Variants in ZMIZ1 observed in about 807,000 individuals in gnomAD.
ZMIZ1 encodes zinc finger MIZ-type containing 1, also known as zinc finger MIZ domain-containing protein 1.
Under a neutral mutation model 113.9 loss-of-function variants are expected in ZMIZ1, and 17 were observed. The observed-to-expected ratio is 0.15, with a 90% CI of 0.10 to 0.22. The LOEUF is 0.22. ZMIZ1 is among the 10% of genes least tolerant of loss of function. The pLI is 1.00. For missense variants in ZMIZ1, 1,059 were observed against 1,477.8 expected, an observed-to-expected ratio of 0.72 and a Z score of 4.65; for synonymous variants, 607 against 603.1, an observed-to-expected ratio of 1.01 and a Z score of -0.09.
rs542923636 is a variant in ZMIZ1, at chr10:79,145,244, C to T, written c.-131+5467C>T. Among the ~76,000 whole-genome samples the T allele has an allele frequency of 3.3e-5, 5 of 152,302 alleles. No individual in the cohort carries two copies. The East Asian group carries it at 9.6e-4, about 29-fold the overall frequency. On this transcript the variant is annotated intron_variant, in intron 3 of 24. Coordinates refer to ENST00000334512, the MANE Select transcript of ZMIZ1 (RefSeq NM_020338.4). ...TCTCCACTGACAAGACTCTCTCCTG[C>T]CTCCTCTGCTCACATTTCCATCCCA...
chr10:79,090,515 C>T (rs117597823), intron 1 of ZMIZ1, among the ~76,000 whole-genome samples: 2,019 of 152,250 alleles, frequency 0.013, 20 homozygotes, highest in Non-Finnish European at 0.02. Flanking sequence ...GTCACAGTCA[C>T]CCTACTGGCA....
chr10:79,296,678 C>G lies in ZMIZ1; in HGVS notation c.1413+25C>G. On this transcript the variant is annotated intron_variant, in intron 13 of 24. Transcript: ENST00000334512. This position sits in a 1 kb window ranked among gnomAD's most constrained non-coding sequence, Gnocchi z 4.1. ...GGTGAGTCCCAGCCTCGCCACCACC[C>G]ACGGGGCCCCTTCCCTCCTAACCAC... 6.6e-7 allele frequency: 1 copy of G among 1,523,704 alleles called. No individual in the cohort carries two copies. The highest frequency in any genetic ancestry group is 2.3e-5 in the East Asian group (1 of 42,848). 94.4% of individuals were successfully genotyped at this position (1,523,704 alleles called of 1,614,324 possible).
At chr10:79,157,863 C>T (rs1308385744) in intron 3 of ZMIZ1, among the ~76,000 whole-genome samples, 3 of 152,126 alleles carry the variant, frequency 2.0e-5, no homozygotes, top group Admixed American at 6.5e-5. Context: ...ATGTGTGTGG[C>T]GGTGGGGTTC....
intron 4 of ZMIZ1, among the ~76,000 whole-genome samples, chr10:79,179,778 G>A (rs1369214671): frequency 2.0e-5 from 3 of 152,252 alleles, no homozygotes; most frequent in Non-Finnish European, 2.9e-5. Flanking sequence ...GAATGAGCAG[G>A]GTTGCCATGG....
chr10:79,134,722 GA>G (rs1844921563), intron 2 of ZMIZ1, among the ~76,000 whole-genome samples: 1 of 151,446 alleles, frequency 6.6e-6, no homozygotes, highest in Non-Finnish European at 1.5e-5. Flanking sequence ...TGTAACTAAG[GA>G]AAAAAATATA....
chr10:79,123,878 C>G (rs1844405734), intron 2 of ZMIZ1, among the ~76,000 whole-genome samples: 1 of 152,244 alleles, frequency 6.6e-6, no homozygotes, highest in Admixed American at 6.5e-5. Flanking sequence ...CCCGTGGCCA[C>G]ACGGAGCTGG....
At chr10:79,145,009 ACCTT>A (rs1453880292) in intron 3 of ZMIZ1, among the ~76,000 whole-genome samples, 1 of 128,662 alleles carries the variant, frequency 7.8e-6, no homozygotes, top group East Asian at 2.3e-4. Flanking sequence ...CCTGCCCTCC[ACCTT>A]CCTTCTTTCT....
intron 1 of ZMIZ1, among the ~76,000 whole-genome samples, chr10:79,083,007 G>T (rs555795249): frequency 6.6e-6 from 1 of 152,256 alleles, no homozygotes; most frequent in East Asian, 1.9e-4. Context: ...AGTTTATCAA[G>T]CACCTTCCAT....
chr10:79,259,122 T>C (rs1851098918), intron 7 of ZMIZ1, among the ~76,000 whole-genome samples: 1 of 152,200 alleles, frequency 6.6e-6, no homozygotes, highest in South Asian at 2.1e-4. Context: ...TGATGGATGA[T>C]GTGAGCTTTG....
At chr10:79,138,639 G>A (rs1241615191) in intron 2 of ZMIZ1, among the ~76,000 whole-genome samples, 2 of 152,164 alleles carry the variant, frequency 1.3e-5, no homozygotes, top group Non-Finnish European at 2.9e-5. Flanking sequence ...CAGTTCTTGG[G>A]CCCCATCAGC....
rs1855144263 is a variant in ZMIZ1, at chr10:79,311,303, G to A, written c.3096+119G>A. ...GAAGGGAGGAGGTGGGTGGGCGGTGGGAGGGCTTCACCCAGACCTGGCTCC... is the reference window on the plus strand; with the variant it reads ...GAAGGGAGGAGGTGGGTGGGCGGTGAGAGGGCTTCACCCAGACCTGGCTCC... On this transcript the variant is annotated intron_variant, in intron 24 of 24. Transcript: ENST00000334512. The A allele has an allele frequency of 4.6e-6, 4 of 864,820 alleles. No homozygotes were observed. In the South Asian group the frequency reaches 5.1e-5, roughly 11 times the overall value. 53.6% of individuals were successfully genotyped at this position (864,820 alleles called of 1,614,324 possible).
Position 79,237,377 on chromosome 10 carries a change from A to G in ZMIZ1, c.280+21103A>G, listed in dbSNP as rs576209014. ...TAGGTTTTAACGGATCCTCCATTTT[A>G]GTTTGCTAAGGCTGCCATAACAAAG... On this transcript the variant is annotated intron_variant, in intron 7 of 24. Coordinates refer to ENST00000334512, the MANE Select transcript of ZMIZ1 (RefSeq NM_020338.4). 2.0e-5 allele frequency among the ~76,000 whole-genome samples: 3 copies of G among 152,320 alleles called. No individual in the cohort carries two copies. The South Asian group carries it at 6.2e-4, about 32-fold the overall frequency.
At chr10:79,285,001 C>G (rs1014976066) in intron 8 of ZMIZ1, among the ~76,000 whole-genome samples, 1 of 152,174 alleles carries the variant, frequency 6.6e-6, no homozygotes, top group Admixed American at 6.5e-5. Flanking sequence ...TCCCCAAGAA[C>G]CCCCAGGAAG....
At chr10:79,116,640 T>C (rs1425531240) in intron 1 of ZMIZ1, among the ~76,000 whole-genome samples, 1 of 152,126 alleles carries the variant, frequency 6.6e-6, no homozygotes, top group Non-Finnish European at 1.5e-5. Context: ...CCTGATTCAG[T>C]TGGGTGGAAA....
chr10:79,093,429 C>T (rs143700096), intron 1 of ZMIZ1, among the ~76,000 whole-genome samples: 7,292 of 151,852 alleles, frequency 0.048, 263 homozygotes, highest in Non-Finnish European at 0.061. Context: ...TGGGTTCAAG[C>T]GATTCTCCGG....
intron 4 of ZMIZ1, among the ~76,000 whole-genome samples, chr10:79,199,415 AGAAT>A: frequency 6.6e-6 from 1 of 152,030 alleles, no homozygotes; most frequent in South Asian, 2.1e-4. Context: ...CTGAGGCTGG[AGAAT>A]CGCTTGAACC....
Position 79,277,200 on chromosome 10 carries a change from C to T in ZMIZ1, c.300C>T (p.Cys100=), listed in dbSNP as rs139894250. 7 of 1,557,986 alleles carry T rather than the reference C, an allele frequency of 4.5e-6. No homozygotes were observed. The highest frequency in any genetic ancestry group is 1.4e-5 in the African/African-American group (1 of 71,460). The stretch of plus-strand genomic sequence containing the variant: ...CTGCAGCCTTGTTGTCCTCCTGGTG[C>T]GAAGAGCTCGGCCGCCTGCTGCTGC... ...PKSAALLSSW[C]EELGRLLLLR... is the part of the protein sequence containing the mutation. The change falls in exon 8 of 25, where the codon TGC becomes TGT. Residue 100 remains cysteine, a synonymous_variant. Transcript: ENST00000334512.
intron 8 of ZMIZ1, among the ~76,000 whole-genome samples, chr10:79,288,480 G>T (rs1182524430): frequency 1.3e-5 from 2 of 152,142 alleles, no homozygotes; most frequent in Admixed American, 1.3e-4. Context: ...GCTCTTTCCT[G>T]TTGCCCGGCC....
rs139877836 is a variant in ZMIZ1, at chr10:79,094,220, G to C, written c.-336-24695G>C. On this transcript the variant is annotated intron_variant, in intron 1 of 24. Transcript: ENST00000334512. Reference sequence around the variant, plus strand: ...GGCACAAGCGAGCCGGGTGAGTCCGGCTGCAGCCGGGCCTGTTTACCGAGG... The same window carrying C: ...GGCACAAGCGAGCCGGGTGAGTCCGCCTGCAGCCGGGCCTGTTTACCGAGG... Among the ~76,000 whole-genome samples the C allele has an allele frequency of 9.6e-3, 1,454 of 152,226 alleles. 26 individuals are homozygous for C. Among genetic ancestry groups the C allele is most frequent in the African/African-American group, 0.033 (1,378 of 41,476 alleles).
Sources: allele counts gnomAD v4.1 joint callset (sites outside exome capture counted in the v4.1 genomes callset), GRCh38; gene constraint gnomAD v4.1.1; non-coding constraint Gnocchi (gnomAD v3.1); transcripts MANE v1.5; gene names NCBI Gene and HGNC (gene_info 2026-07-23, HGNC 2026-07-21).